The following SMPX variants were observed in gnomAD, a reference collection of about 807,000 sequenced individuals.
SMPX encodes the protein small muscle protein X-linked, also known as small muscular protein.
Under a neutral mutation model 6.3 loss-of-function variants are expected in SMPX, and 2 were observed. The observed-to-expected ratio is 0.32, with a 90% confidence interval of 0.13 to 0.99. The LOEUF (loss-of-function observed/expected upper bound fraction) is 0.99, where lower values mean the gene tolerates loss of function less well. SMPX is among the 50% of genes least tolerant of loss of function. The pLI is 0.49. For synonymous variants in SMPX, 32 were observed against 24.7 expected (o/e 1.30, Z -0.88); for missense variants, 60 against 66.8 (o/e 0.90, Z 0.36).
At chrX:21,738,582 T>G (rs956850288) in intron 3 of SMPX, among the ~76,000 whole-genome samples, 2 of 110,926 alleles carry the variant, frequency 1.8e-5, no homozygotes, top group African/African-American at 6.6e-5. Flanking sequence ...GAGGAACATT[T>G]GATCACCGTG....
intron 4 of SMPX, among the ~76,000 whole-genome samples, chrX:21,731,448 T>TAC (rs1362552349): frequency 1.1e-4 from 10 of 89,021 alleles, no homozygotes; most frequent in East Asian, 3.9e-4. Flanking sequence ...TGTGTACACA[T>TAC]ACACATAATG....
chrX:21,754,798 C>T (rs770961295), intron 1 of SMPX, among the ~76,000 whole-genome samples: 1 of 111,986 alleles, frequency 8.9e-6, no homozygotes, highest in Admixed American at 9.4e-5. Flanking sequence ...TTAACGGCTG[C>T]GATGCTCTCT....
chrX:21,734,532 C>A (rs2092808465), intron 4 of SMPX, among the ~76,000 whole-genome samples: 1 of 112,019 alleles, frequency 8.9e-6, no homozygotes, highest in African/African-American at 3.2e-5. Flanking sequence ...AAGTCACCAT[C>A]TGGCTACCTT....
intron 1 of SMPX, among the ~76,000 whole-genome samples, chrX:21,755,498 C>G (rs1328287194): frequency 8.9e-6 from 1 of 112,433 alleles, no homozygotes; most frequent in Non-Finnish European, 1.9e-5. Context: ...AACTGTAAAG[C>G]ATGATGCAAA....
intron 3 of SMPX, among the ~76,000 whole-genome samples, chrX:21,741,516 T>A (rs994523024): frequency 2.7e-5 from 3 of 111,664 alleles, no homozygotes; most frequent in Admixed American, 1.9e-4. Context: ...TAACCCACCC[T>A]GTGGCCAAGC....
At chrX:21,736,149 G>A (rs1050819717) in intron 4 of SMPX, among the ~76,000 whole-genome samples, 9 of 111,846 alleles carry the variant, frequency 8.0e-5, no homozygotes, top group South Asian at 3.7e-4. Flanking sequence ...AAATATTTTC[G>A]GCTGAACTAA....
At chrX:21,713,218 A>G (rs1373738306) in intron 4 of SMPX, among the ~76,000 whole-genome samples, 1 of 112,035 alleles carries the variant, frequency 8.9e-6, no homozygotes, top group Admixed American at 9.5e-5. Context: ...GACGAATGGA[A>G]CTAGAGTTTT....
intron 4 of SMPX, among the ~76,000 whole-genome samples, chrX:21,708,325 A>G (rs1320688016): frequency 8.9e-6 from 1 of 112,075 alleles, no homozygotes; most frequent in Non-Finnish European, 1.9e-5. Context: ...AGCTAGGGGG[A>G]GCCATGGGAC....
intron 4 of SMPX, among the ~76,000 whole-genome samples, chrX:21,726,921 A>G (rs1290188379): frequency 3.6e-5 from 4 of 112,200 alleles, no homozygotes; most frequent in Admixed American, 1.9e-4. Flanking sequence ...CTGTTTTCCA[A>G]CATCCTGTCT....
intron 4 of SMPX, among the ~76,000 whole-genome samples, chrX:21,716,709 T>C (rs898542014): frequency 1.8e-5 from 2 of 111,831 alleles, no homozygotes; most frequent in African/African-American, 6.5e-5. Flanking sequence ...GTGGTGCTGA[T>C]GGTCGGGGAG....
At chrX:21,711,738 C>T (rs1488677034) in intron 4 of SMPX, among the ~76,000 whole-genome samples, 2 of 111,949 alleles carry the variant, frequency 1.8e-5, no homozygotes, top group Non-Finnish European at 1.9e-5. Context: ...TAACCAGACA[C>T]TCAGGGGCAG....
chrX:21,745,727 T>G (rs2147391545), intron 2 of SMPX, among the ~76,000 whole-genome samples: 1 of 111,971 alleles, frequency 8.9e-6, no homozygotes, highest in Admixed American at 9.5e-5. Context: ...AAATTGTCCC[T>G]ACCCCAACCC....
chrX:21,757,506 A>G (rs1273851185), intron 1 of SMPX, among the ~76,000 whole-genome samples: 1 of 111,663 alleles, frequency 9.0e-6, no homozygotes, highest in East Asian at 2.8e-4. Context: ...ATCATTTTAA[A>G]CTTGTACTGT....
intron 3 of SMPX, among the ~76,000 whole-genome samples, chrX:21,740,738 A>AG (rs1194783748): frequency 1.8e-5 from 2 of 112,663 alleles, no homozygotes; most frequent in African/African-American, 6.4e-5. Flanking sequence ...ACTCAGGCAC[A>AG]GAAGGGCTAA....
chrX:21,745,943 C>T (rs144783286), intron 2 of SMPX, among the ~76,000 whole-genome samples: 3,722 of 111,636 alleles, frequency 0.033, 53 homozygotes, highest in South Asian at 0.075. Context: ...ACTACTTTTC[C>T]TGTTCGGAGA....
intron 4 of SMPX, among the ~76,000 whole-genome samples, chrX:21,731,643 T>C (rs943641649): frequency 1.0e-5 from 1 of 100,351 alleles, no homozygotes; most frequent in Admixed American, 1.0e-4. Context: ...TATGTGTACA[T>C]GTACACATAA....
chrX:21,754,378 A>C, intron 1 of SMPX, 76 bp from the exon 2 acceptor site: 1 of 813,812 alleles, frequency 1.2e-6, no homozygotes, highest in Non-Finnish European at 1.9e-6. Flanking sequence ...AATTTAACTC[A>C]TGATTCAACT....
intron 4 of SMPX, among the ~76,000 whole-genome samples, chrX:21,725,880 A>C (rs16981636): frequency 0.054 from 5,994 of 111,487 alleles, 399 homozygotes; most frequent in African/African-American, 0.19. Flanking sequence ...TGCAGAGCTA[A>C]TCTTCAGACA....
chrX:21,750,873 T>C (rs183477149), intron 2 of SMPX, among the ~76,000 whole-genome samples: 1 of 112,207 alleles, frequency 8.9e-6, no homozygotes, highest in East Asian at 2.8e-4. Context: ...AGAAGGCCCA[T>C]CTCTTAAGGA....
Sources: gnomAD v4.1 joint callset for allele counts (sites outside exome capture counted in the v4.1 genomes callset) on GRCh38, gnomAD v4.1.1 for gene constraint, MANE v1.5 for transcripts, NCBI Gene and HGNC (gene_info 2026-07-23, HGNC 2026-07-21) for gene names.